PTPRT: variants seen among roughly 807,000 people sequenced by gnomAD.
The protein encoded by PTPRT is protein tyrosine phosphatase receptor type T.
PTPRT carries 56 observed loss-of-function variants against 176.8 expected under a neutral mutation model. The observed-to-expected ratio is 0.32, with a 90% CI of 0.26 to 0.40. The LOEUF is 0.40. PTPRT is among the 10% of genes least tolerant of loss of function. The pLI is 1.00. For missense variants in PTPRT, 1,540 were observed against 1,908.2 expected (o/e 0.81, Z 3.60); for synonymous variants, 783 against 739.0 (o/e 1.06, Z -0.96).
At chr20:42,202,910 TG>T (rs1039180252) in intron 15 of PTPRT, among the ~76,000 whole-genome samples, 1 of 152,034 alleles carries the variant, frequency 6.6e-6, no homozygotes, top group African/African-American at 2.4e-5. Context: ...TTATGAAAAA[TG>T]GTACTTTATA....
intron 12 of PTPRT, among the ~76,000 whole-genome samples, chr20:42,288,082 T>C (rs564156919): frequency 1.3e-5 from 2 of 152,148 alleles, no homozygotes; most frequent in South Asian, 2.1e-4. Context: ...ATCTTAATAA[T>C]TCTTGCACAA....
At chr20:42,622,305 C>A (rs6102955) in intron 7 of PTPRT, among the ~76,000 whole-genome samples, 1 of 151,572 alleles carries the variant, frequency 6.6e-6, no homozygotes, top group African/African-American at 2.4e-5. Context: ...GCAGTGGCGC[C>A]ATCTCGGCTC....
At chr20:42,176,180 G>A (rs781270161) in intron 16 of PTPRT, among the ~76,000 whole-genome samples, 1 of 152,062 alleles carries the variant, frequency 6.6e-6, no homozygotes, top group African/African-American at 2.4e-5. Flanking sequence ...CATTTGTTAG[G>A]TACACCTTGC....
chr20:42,778,771 A>T (rs987942601), intron 4 of PTPRT, among the ~76,000 whole-genome samples: 1 of 152,240 alleles, frequency 6.6e-6, no homozygotes, highest in Non-Finnish European at 1.5e-5. Flanking sequence ...ATTCATATGC[A>T]TATCTACTAC....
intron 7 of PTPRT, among the ~76,000 whole-genome samples, chr20:42,661,146 G>A (rs2075216474): frequency 6.6e-6 from 1 of 152,124 alleles, no homozygotes; most frequent in Non-Finnish European, 1.5e-5. Flanking sequence ...ACCGCACCCA[G>A]CCGTAAACAG....
intron 27 of PTPRT, among the ~76,000 whole-genome samples, chr20:42,096,763 T>TAA (rs1568924899): frequency 5.5e-4 from 74 of 133,468 alleles, no homozygotes; most frequent in Admixed American, 1.9e-3. Flanking sequence ...AAAATTTTTT[T>TAA]TTTTTTTTTT....
intron 1 of PTPRT, among the ~76,000 whole-genome samples, chr20:42,999,151 G>T (rs1984387474): frequency 6.6e-6 from 1 of 152,114 alleles, no homozygotes; most frequent in South Asian, 2.1e-4. Context: ...AAAATTAATG[G>T]TGAAGAATAT....
chr20:42,818,168 G>A (rs2077823426), intron 2 of PTPRT, among the ~76,000 whole-genome samples: 1 of 152,114 alleles, frequency 6.6e-6, no homozygotes, highest in Admixed American at 6.5e-5. Flanking sequence ...GAACGAGCAG[G>A]CACCCATCTT....
chr20:42,625,764 A>G (rs1331039372), intron 7 of PTPRT, among the ~76,000 whole-genome samples: 2 of 152,096 alleles, frequency 1.3e-5, no homozygotes, highest in Non-Finnish European at 2.9e-5. Context: ...GAGATCAGGT[A>G]ATCAGTGATT....
chr20:43,188,684 T>A (rs530517974), intron 1 of PTPRT, among the ~76,000 whole-genome samples: 18 of 139,786 alleles, frequency 1.3e-4, no homozygotes, highest in African/African-American at 4.5e-4. Context: ...TAAGAAACTT[T>A]AAGGTGATTT....
chr20:42,881,588 G>A (rs1455644342), intron 2 of PTPRT, among the ~76,000 whole-genome samples: 1 of 152,062 alleles, frequency 6.6e-6, no homozygotes, highest in African/African-American at 2.4e-5. Flanking sequence ...AGCCAGGCAT[G>A]GCGATGTGCG....
intron 1 of PTPRT, among the ~76,000 whole-genome samples, chr20:43,086,538 T>A (rs1181783977): frequency 1.3e-5 from 2 of 152,204 alleles, no homozygotes; most frequent in Non-Finnish European, 2.9e-5. Context: ...TTTGGCCTGA[T>A]GAATAATTTG....
At chr20:42,900,621 G>A (rs948127901) in intron 1 of PTPRT, among the ~76,000 whole-genome samples, 2 of 152,190 alleles carry the variant, frequency 1.3e-5, no homozygotes, top group African/African-American at 4.8e-5. Context: ...AAATCTGCAT[G>A]GTGGGCCCTC....
intron 11 of PTPRT, among the ~76,000 whole-genome samples, chr20:42,340,139 G>T (rs2058092175): frequency 6.6e-6 from 1 of 152,180 alleles, no homozygotes; most frequent in Non-Finnish European, 1.5e-5. Context: ...TACTTGAGAT[G>T]TGGCTAATGC....
At chr20:42,761,142 G>A (rs1057365177) in intron 5 of PTPRT, among the ~76,000 whole-genome samples, 4 of 152,128 alleles carry the variant, frequency 2.6e-5, no homozygotes, top group African/African-American at 7.2e-5. Context: ...TGTTAAAAAT[G>A]TGAATTCTCA....
chr20:42,637,235 G>A (rs935587184), intron 7 of PTPRT, among the ~76,000 whole-genome samples: 1 of 152,148 alleles, frequency 6.6e-6, no homozygotes, highest in African/African-American at 2.4e-5. Context: ...ACTGGTCTAC[G>A]TGTTTCACTT....
chr20:42,962,981 G>A (rs930692743), intron 1 of PTPRT, among the ~76,000 whole-genome samples: 5 of 152,102 alleles, frequency 3.3e-5, no homozygotes, highest in East Asian at 1.9e-4. Context: ...GGTGGATCAC[G>A]AGGTCAGAAG....
chr20:42,780,119 G>A (rs1005309257), intron 4 of PTPRT, 99 bp downstream of exon 4: 5 of 939,032 alleles, frequency 5.3e-6, no homozygotes, highest in Non-Finnish European at 8.7e-6. Context: ...GAGAGAGTGA[G>A]AGATGTTTGT....
chr20:42,048,773 G>A, the PTPRT span, among the ~76,000 whole-genome samples: 1 of 152,126 alleles, frequency 6.6e-6, no homozygotes, highest in Non-Finnish European at 1.5e-5. Flanking sequence ...CTGACTCAGG[G>A]ACACTCACAT....
Sources: gnomAD v4.1 joint callset for allele counts (sites outside exome capture counted in the v4.1 genomes callset) on GRCh38, gnomAD v4.1.1 for gene constraint, MANE v1.5 for transcripts, NCBI Gene and HGNC (gene_info 2026-07-23, HGNC 2026-07-21) for gene names.